Variants in DPP10 observed in about 807,000 individuals in gnomAD.
DPP10 encodes dipeptidyl peptidase like 10.
DPP10 carries 33 observed loss-of-function variants against 120.9 expected under a neutral mutation model. That is an observed-to-expected ratio of 0.27 (90% confidence interval 0.21 to 0.37). DPP10 has a LOEUF of 0.37. Ranked by LOEUF, DPP10 falls within the 10% of genes least tolerant of loss-of-function variation. The probability of loss-of-function intolerance (pLI) is 1.00; values close to 1 mark genes in which losing one functional copy is unlikely to be tolerated. For synonymous variants in DPP10, 337 were observed against 326.1 expected (o/e 1.03, Z -0.36); for missense variants, 816 against 942.8 (o/e 0.87, Z 1.76).
intron 1 of DPP10, among the ~76,000 whole-genome samples, chr2:114,582,350 ATG>A (rs1324185892): frequency 6.6e-6 from 1 of 152,206 alleles, no homozygotes; most frequent in Non-Finnish European, 1.5e-5. Context: ...ACTGAAGGAT[ATG>A]TTGGTTGCTT....
chr2:114,694,448 C>G (rs1229339866), intron 1 of DPP10, among the ~76,000 whole-genome samples: 3 of 151,830 alleles, frequency 2.0e-5, no homozygotes, highest in Non-Finnish European at 4.4e-5. Context: ...GAAATCAACA[C>G]TATGAACTCA....
chr2:114,598,916 C>G (rs1375619919), intron 1 of DPP10, among the ~76,000 whole-genome samples: 1 of 151,726 alleles, frequency 6.6e-6, no homozygotes, highest in Non-Finnish European at 1.5e-5. Flanking sequence ...TATGTGTGGC[C>G]TGACTTCTCG....
intron 1 of DPP10, chr2:115,144,283 C>T (rs1180200021): frequency 6.6e-6 from 1 of 152,066 alleles, no homozygotes; most frequent in Non-Finnish European, 1.5e-5. Context: ...CCCATGCTTC[C>T]CTCTCTCTAG....
At chr2:114,520,224 G>A (rs188955578) in intron 1 of DPP10, among the ~76,000 whole-genome samples, 1 of 152,236 alleles carries the variant, frequency 6.6e-6, no homozygotes, top group African/African-American at 2.4e-5. Context: ...TATCTCAAGG[G>A]GATTTATGGA....
chr2:114,567,467 A>G (rs1689290527), intron 1 of DPP10, among the ~76,000 whole-genome samples: 1 of 152,174 alleles, frequency 6.6e-6, no homozygotes, highest in Non-Finnish European at 1.5e-5. Flanking sequence ...AGAGCAGAGG[A>G]GAGGCTACAT....
chr2:115,283,716 T>C (rs948226697), intron 1 of DPP10, among the ~76,000 whole-genome samples: 5 of 152,102 alleles, frequency 3.3e-5, no homozygotes, highest in Admixed American at 6.6e-5. Context: ...TCCCTGAGTA[T>C]GTATGTAGTC....
intron 1 of DPP10, among the ~76,000 whole-genome samples, chr2:115,245,367 T>A (rs1324201071): frequency 6.6e-6 from 1 of 151,394 alleles, no homozygotes; most frequent in African/African-American, 2.4e-5. Flanking sequence ...CCAACAAACA[T>A]ATGAAAAAAA....
Position 114,464,539 on chromosome 2 carries a change from G to A in DPP10, c.60+21701G>A, listed in dbSNP as rs543501927. On this transcript the variant is annotated intron_variant, in intron 1 of 25. Transcript: ENST00000410059. ...TGGTTGTTGAAAATATTTTCTCCTA[G>A]TCTGTGGCTTATCTTTTCATTTTCT... Among the ~76,000 whole-genome samples the A allele has an allele frequency of 3.3e-5, 5 of 152,232 alleles. No individual in the cohort carries two copies. In the South Asian group the frequency reaches 1.0e-3, roughly 32 times the overall value.
intron 3 of DPP10, among the ~76,000 whole-genome samples, chr2:115,484,341 C>T (rs1218017977): frequency 6.6e-6 from 1 of 151,880 alleles, no homozygotes; most frequent in Non-Finnish European, 1.5e-5. Flanking sequence ...TGGTTTGTGT[C>T]ACTTAGCCAA....
At chr2:115,118,222 G>C (rs2049626990) in intron 1 of DPP10, among the ~76,000 whole-genome samples, 2 of 152,068 alleles carry the variant, frequency 1.3e-5, no homozygotes, top group Non-Finnish European at 2.9e-5. Flanking sequence ...AATATTTCTT[G>C]AGTCTTTCCA....
Position 115,651,813 on chromosome 2 carries a change from G to C in DPP10, c.442-37874G>C, listed in dbSNP as rs184776677. ...TTCCATGGTTGGACAGCCTTTGTAA[G>C]TTTTGCAGATTTTTATTGTTTTTAC... On this transcript the variant is annotated intron_variant, in intron 5 of 25. Coordinates refer to ENST00000410059, the MANE Select transcript of DPP10 (RefSeq NM_020868.6). 2.4e-3 allele frequency among the ~76,000 whole-genome samples: 366 copies of C among 152,190 alleles called. 1 individual carries two copies. Among genetic ancestry groups the C allele is most frequent in the African/African-American group, 8.5e-3 (352 of 41,546 alleles).
chr2:115,805,954 C>T (rs1395931806), intron 19 of DPP10, among the ~76,000 whole-genome samples: 1 of 152,224 alleles, frequency 6.6e-6, no homozygotes, highest in East Asian at 1.9e-4. Flanking sequence ...CCCGTTTTTG[C>T]AGGTGAGAAC....
At chr2:114,494,206 T>C (rs1682292919) in intron 1 of DPP10, among the ~76,000 whole-genome samples, 1 of 151,828 alleles carries the variant, frequency 6.6e-6, no homozygotes, top group African/African-American at 2.4e-5. Flanking sequence ...CTCTCTGCAG[T>C]GTGATCTTGG....
intron 1 of DPP10, among the ~76,000 whole-genome samples, chr2:114,651,464 C>G (rs1696576733): frequency 6.6e-6 from 1 of 152,132 alleles, no homozygotes; most frequent in South Asian, 2.1e-4. Context: ...GCAACCACCC[C>G]TCATACCCTG....
intron 1 of DPP10, among the ~76,000 whole-genome samples, chr2:114,471,973 G>C (rs1679957341): frequency 6.6e-6 from 1 of 152,188 alleles, no homozygotes; most frequent in Non-Finnish European, 1.5e-5. Context: ...AAAATAAAAT[G>C]GGGCACTTTT....
chr2:115,120,536 G>T (rs1165995269), intron 1 of DPP10, among the ~76,000 whole-genome samples: 10 of 152,102 alleles, frequency 6.6e-5, no homozygotes, highest in Non-Finnish European at 1.5e-5. Context: ...ATAGCTAGGG[G>T]GCATGCCTAA....
chr2:114,548,513 G>A (rs1327311917), intron 1 of DPP10, among the ~76,000 whole-genome samples: 2 of 152,148 alleles, frequency 1.3e-5, no homozygotes, highest in Non-Finnish European at 2.9e-5. Context: ...GGCTGCTTGT[G>A]AGGATTGGAG....
intron 1 of DPP10, among the ~76,000 whole-genome samples, chr2:114,766,442 C>T (rs1680709954): frequency 1.3e-5 from 2 of 152,130 alleles, no homozygotes; most frequent in South Asian, 2.1e-4. Flanking sequence ...CATTCTTGGA[C>T]ATTTATTCCA....
chr2:115,750,063 C>T, intron 10 of DPP10: 1 of 985,272 alleles, frequency 1.0e-6, no homozygotes, highest in Non-Finnish European at 1.2e-6. Flanking sequence ...AGCAGGAAAC[C>T]CAGTTATAAG....
Sources: gnomAD v4.1 joint callset for allele counts (sites outside exome capture counted in the v4.1 genomes callset) on GRCh38, gnomAD v4.1.1 for gene constraint, MANE v1.5 for transcripts, NCBI Gene and HGNC (gene_info 2026-07-23, HGNC 2026-07-21) for gene names.